Variants in ST18 observed in about 807,000 individuals in gnomAD.
ST18 encodes suppression of tumorigenicity 18 protein.
Under a neutral mutation model 110.0 loss-of-function variants are expected in ST18, and 50 were observed. That is an observed-to-expected ratio of 0.45 (90% CI 0.36 to 0.58). ST18 has a LOEUF of 0.58. Among genes scored for constraint, ST18 ranks in the 20% least tolerant of loss-of-function variants. The pLI is 0.00. For missense variants in ST18, 1,306 were observed against 1,280.1 expected, an observed-to-expected ratio of 1.02 and a Z score of -0.31; for synonymous variants, 461 against 452.4, an observed-to-expected ratio of 1.02 and a Z score of -0.24.
chr8:52,304,442 T>G (rs1345680639), intron 2 of ST18, among the ~76,000 whole-genome samples: 5 of 151,990 alleles, frequency 3.3e-5, no homozygotes, highest in Admixed American at 1.3e-4. Flanking sequence ...ATTTAAGCAG[T>G]TAGATGGAAT....
chr8:52,352,003 T>C (rs944021913), intron 2 of ST18, among the ~76,000 whole-genome samples: 1 of 152,138 alleles, frequency 6.6e-6, no homozygotes, highest in Non-Finnish European at 1.5e-5. Flanking sequence ...CAATGGAAAT[T>C]CAGAAAACAA....
Position 52,112,661 on chromosome 8 carries a change from G to A in ST18, c.*537C>T, listed in dbSNP as rs1017547737. The A allele has an allele frequency of 6.6e-6, 1 of 152,534 alleles. No individual in the cohort carries two copies. Among genetic ancestry groups the A allele is most frequent in the African/African-American group, 2.4e-5 (1 of 41,386 alleles). 9.4% of individuals were successfully genotyped at this position (152,534 alleles called of 1,614,324 possible). A position where few individuals can be genotyped will look rare whatever the true frequency, so the allele number is the denominator to read the frequency against. The stretch of plus-strand genomic sequence containing the variant: ...AATACAAAAATCAGTGAAAGGTGGG[G>A]GAAGAAGTGTGCAATAAAAATCAAA... On this transcript the variant is annotated 3_prime_UTR_variant, in exon 26 of 26. Coordinates refer to ENST00000689386, the MANE Select transcript of ST18 (RefSeq NM_001352837.2).
rs1261402760 is a variant in ST18 at position 52,178,633 on chromosome 8, AAAAAAAAAAAC to A, written c.277+1478_277+1488del. On this transcript the variant is annotated intron_variant, in intron 9 of 25. Coordinates refer to ENST00000689386, the MANE Select transcript of ST18 (RefSeq NM_001352837.2). ...CTCCATCAAAAAAAAAAAAAAAAAAAAAAAAAAAAACCACCAAAAACCAAAATAAAACAAAC... is the reference window on the plus strand; with the variant it reads ...CTCCATCAAAAAAAAAAAAAAAAAAACACCAAAAACCAAAATAAAACAAAC... Among the ~76,000 whole-genome samples, 4 of 132,352 alleles carry A rather than the reference AAAAAAAAAAAC, an allele frequency of 3.0e-5. 2 individuals carry two copies. Among genetic ancestry groups the A allele is most frequent in the East Asian group, 4.2e-4 (2 of 4,752 alleles). 86.8% of individuals were successfully genotyped at this position (132,352 alleles called of 152,430 possible).
intron 2 of ST18, among the ~76,000 whole-genome samples, chr8:52,374,325 G>A (rs1470077433): frequency 6.6e-6 from 1 of 152,026 alleles, no homozygotes; most frequent in African/African-American, 2.4e-5. Flanking sequence ...GGAGGCAGAG[G>A]CTGGGTGATG....
rs375862503 is a variant in ST18 at position 52,356,918 on chromosome 8, C to G, written c.-465+52410G>C. Reference sequence around the variant, plus strand: ...ATAATTCATGGATTTCAATATAAGTCTTCTGAGATTATTCAGTTTGGAAGA... The same window carrying G: ...ATAATTCATGGATTTCAATATAAGTGTTCTGAGATTATTCAGTTTGGAAGA... On this transcript the variant is annotated intron_variant, in intron 2 of 25. Transcript: ENST00000689386. Among the ~76,000 whole-genome samples, 7 of 152,008 alleles carry G rather than the reference C, an allele frequency of 4.6e-5. No homozygotes were observed. The East Asian group carries it at 1.4e-3, about 29-fold the overall frequency.
At chr8:52,401,220 A>C (rs1174028507) in intron 2 of ST18, among the ~76,000 whole-genome samples, 1 of 151,914 alleles carries the variant, frequency 6.6e-6, no homozygotes, top group Admixed American at 6.6e-5. Context: ...CTGATATGTC[A>C]TTTGACATTT....
At chr8:52,223,730 A>T (rs1186838126) in intron 3 of ST18, among the ~76,000 whole-genome samples, 2 of 152,124 alleles carry the variant, frequency 1.3e-5, no homozygotes, top group East Asian at 3.9e-4. Context: ...TGAAAAATTT[A>T]TTGAAAGGGC....
intron 2 of ST18, among the ~76,000 whole-genome samples, chr8:52,366,713 T>C (rs1196474457): frequency 6.6e-6 from 1 of 152,184 alleles, no homozygotes; most frequent in African/African-American, 2.4e-5. Context: ...GCCACTTCCT[T>C]ACCCTGCTTT....
At chr8:52,175,757 C>T (rs1305355538) in intron 9 of ST18, among the ~76,000 whole-genome samples, 1 of 152,122 alleles carries the variant, frequency 6.6e-6, no homozygotes, top group Non-Finnish European at 1.5e-5. Context: ...TACAGAGGGC[C>T]AGGCTTGCTC....
At chr8:52,278,152 TTAATC>T (rs2095309904) in intron 2 of ST18, among the ~76,000 whole-genome samples, 1 of 152,238 alleles carries the variant, frequency 6.6e-6, no homozygotes, top group Admixed American at 6.5e-5. Context: ...GCTGTGGATT[TTAATC>T]TAAACGTTGA....
intron 16 of ST18, among the ~76,000 whole-genome samples, chr8:52,145,945 A>G (rs541553343): frequency 6.6e-6 from 1 of 152,224 alleles, no homozygotes; most frequent in African/African-American, 2.4e-5. Flanking sequence ...TTTAGGGGGC[A>G]TCTGGACAGG....
At chr8:52,253,618 C>T (rs1466651690) in intron 2 of ST18, among the ~76,000 whole-genome samples, 1 of 152,120 alleles carries the variant, frequency 6.6e-6, no homozygotes, top group Non-Finnish European at 1.5e-5. Context: ...TTTCAAAAAG[C>T]ATACATAAAA....
chr8:52,139,137 A>C (rs1280841724), intron 17 of ST18, among the ~76,000 whole-genome samples: 3 of 152,140 alleles, frequency 2.0e-5, no homozygotes, highest in African/African-American at 7.2e-5. Context: ...TTAAAAAGTA[A>C]AGACAAAAAC....
At chr8:52,115,621 G>C (rs2042243822) in intron 25 of ST18, among the ~76,000 whole-genome samples, 1 of 152,088 alleles carries the variant, frequency 6.6e-6, no homozygotes, top group Non-Finnish European at 1.5e-5. Context: ...AGTAAAGTAG[G>C]GTCTGTCATC....
Position 52,134,016 on chromosome 8 carries a change from C to A in ST18, c.2301-715G>T, listed in dbSNP as rs534772629. On this transcript the variant is annotated intron_variant, in intron 19 of 25. Coordinates refer to ENST00000689386, the MANE Select transcript of ST18 (RefSeq NM_001352837.2). ...AAAGCTCTGGGATTACAGGCGTGAG[C>A]CACTGTGCCCCGCCTCCAAATGATT... 2.2e-4 allele frequency among the ~76,000 whole-genome samples: 34 copies of A among 152,320 alleles called. 1 individual carries two copies. The highest frequency in any genetic ancestry group is 2.0e-3 in the Admixed American group (30 of 15,302).
At chr8:52,134,127 T>C (rs1024406660) in intron 19 of ST18, among the ~76,000 whole-genome samples, 1 of 152,370 alleles carries the variant, frequency 6.6e-6, no homozygotes, top group Non-Finnish European at 1.5e-5. Flanking sequence ...ACACGTGAAC[T>C]GCAGAGACTT....
chr8:52,204,538 A>G (rs2079215776), intron 8 of ST18, among the ~76,000 whole-genome samples: 1 of 152,222 alleles, frequency 6.6e-6, no homozygotes. Flanking sequence ...CTCACCCACA[A>G]CAATGCTGTT....
At chr8:52,274,491 G>A (rs961492071) in intron 2 of ST18, among the ~76,000 whole-genome samples, 5 of 152,106 alleles carry the variant, frequency 3.3e-5, no homozygotes, top group Non-Finnish European at 5.9e-5. Context: ...AACAGAAATA[G>A]GAAAAAGAGT....
intron 2 of ST18, among the ~76,000 whole-genome samples, chr8:52,243,514 T>G (rs2137765524): frequency 6.6e-6 from 1 of 152,092 alleles, no homozygotes; most frequent in African/African-American, 2.4e-5. Flanking sequence ...AGGGAAAGGG[T>G]TTGGGGAGCA....
Sources: gnomAD v4.1 joint callset for allele counts (sites outside exome capture counted in the v4.1 genomes callset) on GRCh38, gnomAD v4.1.1 for gene constraint, MANE v1.5 for transcripts, NCBI Gene and HGNC (gene_info 2026-07-23, HGNC 2026-07-21) for gene names.